Variants in TTLL5 observed in about 807,000 individuals in gnomAD.
The protein encoded by TTLL5 is tubulin tyrosine ligase like 5, also known as tubulin polyglutamylase TTLL5.
TTLL5 carries 132 observed loss-of-function variants against 168.4 expected under a neutral mutation model. That is an observed-to-expected ratio of 0.78 (90% confidence interval 0.68 to 0.91). The LOEUF is 0.91. TTLL5 is among the 40% of genes least tolerant of loss of function. TTLL5 has a pLI of 0.00. For synonymous variants in TTLL5, 546 were observed against 558.6 expected (o/e 0.98, Z 0.32); for missense variants, 1,545 against 1,581.5 (o/e 0.98, Z 0.39).
chr14:75,823,858 C>T (rs762192825), intron 28 of TTLL5, among the ~76,000 whole-genome samples: 19 of 152,142 alleles, frequency 1.2e-4, no homozygotes, highest in Non-Finnish European at 2.5e-4. Context: ...GAACCATTTT[C>T]GATGTCACCC....
rs180771514 is a variant in TTLL5 at position 75,877,860 on chromosome 14, G to T, written c.3523-4825G>T. Among the ~76,000 whole-genome samples the T allele has an allele frequency of 2.4e-3, 361 of 152,300 alleles. 2 individuals carry two copies. The highest frequency in any genetic ancestry group is 0.012 in the South Asian group (56 of 4,822). On this transcript the variant is annotated intron_variant, in intron 29 of 31. Coordinates refer to ENST00000298832, the MANE Select transcript of TTLL5 (RefSeq NM_015072.5). Reference sequence around the variant, plus strand: ...GTGCCTGGAGAGGCTGATTTCTGCTGCTAGTTTACACACAACCATTTATAT... The same window carrying T: ...GTGCCTGGAGAGGCTGATTTCTGCTTCTAGTTTACACACAACCATTTATAT...
At chr14:75,829,005 A>C (rs905514986) in intron 28 of TTLL5, among the ~76,000 whole-genome samples, 3 of 152,228 alleles carry the variant, frequency 2.0e-5, no homozygotes, top group Admixed American at 1.3e-4. Context: ...CCCTGTCCTC[A>C]AGAAGGAAAA....
chr14:75,806,858 A>G (rs1220825160), intron 27 of TTLL5, among the ~76,000 whole-genome samples: 2 of 152,202 alleles, frequency 1.3e-5, no homozygotes, highest in African/African-American at 2.4e-5. Context: ...CTAGATATTA[A>G]TAGTATGCAC....
At chr14:75,666,807 T>A (rs903630659) in intron 2 of TTLL5, among the ~76,000 whole-genome samples, 3 of 152,242 alleles carry the variant, frequency 2.0e-5, no homozygotes, top group African/African-American at 7.2e-5. Context: ...TGATGTCTAT[T>A]TCTCATGAAA....
At chr14:75,791,105 C>CAAAAAAAAAAAAAAAAAAAAAAAAAAAAA (rs372035829) in intron 26 of TTLL5, among the ~76,000 whole-genome samples, 1 of 77,270 alleles carries the variant, frequency 1.3e-5, no homozygotes, top group African/African-American at 7.6e-5. Context: ...GACTCTGTCT[C>CAAAAAAAAAAAAAAAAAAAAAAAAAAAAA]AAAAAAAAAA....
At chr14:75,790,776 T>C (rs1681418041) in intron 26 of TTLL5, among the ~76,000 whole-genome samples, 1 of 151,588 alleles carries the variant, frequency 6.6e-6, no homozygotes, top group African/African-American at 2.4e-5. Context: ...AGGAACTTTT[T>C]TATTTTGTTT....
At position 75,783,479 on chromosome 14, in the gene TTLL5, G is replaced by C. The variant is rs1403843838; in HGVS notation, c.2935G>C (p.Ala979Pro). ...TIGPFSSFQS[A>P]AHIYSQKLSR... ...TGGTCCCTTTTCTTCCTTCCAAAGT[G>C]CTGCACACATCTATAGCCAGAAACT... The change falls in exon 26 of 32, where the codon GCT (alanine) becomes CCT (proline). Residue 979 changes from alanine (A) to proline (P), a missense_variant. Physicochemically the swap from Ala to Pro is conservative, Grantham distance 27. Coordinates refer to ENST00000298832, the MANE Select transcript of TTLL5 (RefSeq NM_015072.5). 1.9e-6 allele frequency: 3 copies of C among 1,614,138 alleles called. No homozygotes were observed. The highest frequency in any genetic ancestry group is 1.1e-5 in the South Asian group (1 of 91,076).
intron 18 of TTLL5, among the ~76,000 whole-genome samples, chr14:75,763,194 A>G (rs1890759213): frequency 1.3e-5 from 2 of 151,592 alleles, no homozygotes; most frequent in South Asian, 4.2e-4. Flanking sequence ...TCTTTCTATC[A>G]GATTTGTTTT....
At chr14:75,921,319 G>GTATT (rs1263083454) in intron 31 of TTLL5, among the ~76,000 whole-genome samples, 1 of 152,116 alleles carries the variant, frequency 6.6e-6, no homozygotes, top group Non-Finnish European at 1.5e-5. Context: ...GTCCTGAATG[G>GTATT]TATTGCCTAG....
chr14:75,691,579 C>G (rs962938249), intron 6 of TTLL5, among the ~76,000 whole-genome samples: 3 of 152,166 alleles, frequency 2.0e-5, no homozygotes, highest in African/African-American at 7.2e-5. Context: ...GCTTCAGAGG[C>G]CATGCTCTTC....
intron 29 of TTLL5, among the ~76,000 whole-genome samples, chr14:75,865,940 G>A (rs997163879): frequency 6.6e-6 from 1 of 152,168 alleles, no homozygotes; most frequent in African/African-American, 2.4e-5. Context: ...GTATATATGT[G>A]TGTAACATTA....
intron 31 of TTLL5, among the ~76,000 whole-genome samples, chr14:75,937,885 G>A (rs1362477635): frequency 6.6e-6 from 1 of 152,162 alleles, no homozygotes; most frequent in African/African-American, 2.4e-5. Flanking sequence ...AAGTGGAATT[G>A]CTGGATTGTA....
At chr14:75,870,301 C>G (rs1205292717) in intron 29 of TTLL5, among the ~76,000 whole-genome samples, 1 of 143,566 alleles carries the variant, frequency 7.0e-6, no homozygotes, top group Non-Finnish European at 1.5e-5. Flanking sequence ...AGAACGGGGT[C>G]TCGCTATATT....
Position 75,720,072 on chromosome 14 carries a change from T to C in TTLL5, c.934+246T>C, listed in dbSNP as rs540094848. 5.3e-5 allele frequency among the ~76,000 whole-genome samples: 8 copies of C among 152,304 alleles called. No individual in the cohort carries two copies. In the South Asian group the frequency reaches 1.7e-3, roughly 32 times the overall value. Reference sequence around the variant, plus strand: ...TTTTAATCCTTAGTGAATTTACCCTTCTTGAATGTTGAACTGCTGACTAAA... The same window carrying C: ...TTTTAATCCTTAGTGAATTTACCCTCCTTGAATGTTGAACTGCTGACTAAA... On this transcript the variant is annotated intron_variant, in intron 11 of 31. Coordinates refer to ENST00000298832, the MANE Select transcript of TTLL5 (RefSeq NM_015072.5).
At chr14:75,939,359 T>C (rs1052925012) in intron 31 of TTLL5, among the ~76,000 whole-genome samples, 1 of 152,192 alleles carries the variant, frequency 6.6e-6, no homozygotes, top group Non-Finnish European at 1.5e-5. Flanking sequence ...AAAGTCACTG[T>C]TAGTCACTGG....
At chr14:75,773,939 G>A (rs1566598052) in intron 21 of TTLL5, among the ~76,000 whole-genome samples, 1 of 35,140 alleles carries the variant, frequency 2.8e-5, no homozygotes, top group Non-Finnish European at 6.6e-5. Context: ...GAGAGAGAGA[G>A]AGAGAGAGAG....
At chr14:75,698,354 A>G (rs1886014177) in intron 6 of TTLL5, among the ~76,000 whole-genome samples, 1 of 152,172 alleles carries the variant, frequency 6.6e-6, no homozygotes, top group South Asian at 2.1e-4. Flanking sequence ...GCACCTTTTA[A>G]TCACTTGTAA....
chr14:75,851,664 C>A (rs771042349), intron 28 of TTLL5, among the ~76,000 whole-genome samples: 1 of 152,164 alleles, frequency 6.6e-6, no homozygotes, highest in Non-Finnish European at 1.5e-5. Context: ...CAGGGGCCAC[C>A]GTGCAGCCGC....
chr14:75,798,289 A>G (rs565057041), intron 27 of TTLL5, among the ~76,000 whole-genome samples: 23 of 151,954 alleles, frequency 1.5e-4, no homozygotes, highest in African/African-American at 5.5e-4. Context: ...TGGTTGTACT[A>G]TCTCTTGCTT....
Sources: gnomAD v4.1 joint callset for allele counts (sites outside exome capture counted in the v4.1 genomes callset) on GRCh38, gnomAD v4.1.1 for gene constraint, MANE v1.5 for transcripts, NCBI Gene and HGNC (gene_info 2026-07-23, HGNC 2026-07-21) for gene names.